Variants in CACNA1C observed in about 807,000 individuals in gnomAD.
CACNA1C encodes calcium voltage-gated channel subunit alpha1 C, also known as voltage-dependent L-type calcium channel subunit alpha-1C.
In CACNA1C, 30 loss-of-function variants were observed where a neutral mutation model predicts 229.0. That is an observed-to-expected ratio of 0.13 (90% CI 0.10 to 0.18). The LOEUF (loss-of-function observed/expected upper bound fraction) is 0.18. Among genes scored for constraint, CACNA1C ranks in the 10% least tolerant of loss-of-function variants. The pLI is 1.00. For synonymous variants in CACNA1C, 1,114 were observed against 1,132.5 expected (o/e 0.98, Z 0.33); for missense variants, 1,658 against 2,845.0 (o/e 0.58, Z 9.49).
Position 2,677,035 on chromosome 12 carries a change from A to G in CACNA1C, c.4829-59A>G, listed in dbSNP as rs377420400. ...GGATGCTGAAAAAAAAAATGAATGAAGTTCAACTGAATTCCCCTGCTCCCC... is the reference window on the plus strand; with the variant it reads ...GGATGCTGAAAAAAAAAATGAATGAGGTTCAACTGAATTCCCCTGCTCCCC... On this transcript the variant is annotated intron_variant, in intron 39 of 46. Transcript: ENST00000399655. This position sits in a 1 kb window ranked among gnomAD's most constrained non-coding sequence, Gnocchi z 7.4. 7.7e-6 allele frequency: 11 copies of G among 1,433,230 alleles called. No homozygotes were observed. The African/African-American group carries it at 1.4e-4, about 18-fold the overall frequency. 88.8% of individuals were successfully genotyped at this position (1,433,230 alleles called of 1,614,324 possible).
intron 34 of CACNA1C, among the ~76,000 whole-genome samples, chr12:2,655,620 C>T (rs1354803580): frequency 1.3e-5 from 2 of 152,228 alleles, no homozygotes; most frequent in Non-Finnish European, 2.9e-5. Context: ...AGATATCTAT[C>T]ACTATACCAG....
At chr12:2,188,642 T>C (rs1234284861) in intron 3 of CACNA1C, among the ~76,000 whole-genome samples, 1 of 152,164 alleles carries the variant, frequency 6.6e-6, no homozygotes, top group Non-Finnish European at 1.5e-5. Flanking sequence ...CAAATTGATA[T>C]TCGGTTTTTA....
chr12:2,290,929 A>G lies in CACNA1C; in HGVS notation c.478-158047A>G, dbSNP rs566657684. 4.6e-5 allele frequency among the ~76,000 whole-genome samples: 7 copies of G among 152,192 alleles called. No individual in the cohort carries two copies. The South Asian group carries it at 1.5e-3, about 32-fold the overall frequency. On this transcript the variant is annotated intron_variant, in intron 3 of 46. Transcript: ENST00000399655. ...AAATAGCCCTTCTGTGGCTTCCTCAAATGTATTGTCTGAATCAGCAGCTTC... is the reference window on the plus strand; with the variant it reads ...AAATAGCCCTTCTGTGGCTTCCTCAGATGTATTGTCTGAATCAGCAGCTTC...
Position 2,152,963 on chromosome 12 carries a change from G to T in CACNA1C, c.477+32533G>T, listed in dbSNP as rs1166255022. ...AATGGTGGCAGAAAAATTAAAATTG[G>T]GAGGTGAAAGCTCAAGGAGGTAGTT... is the stretch of plus-strand genomic sequence containing the variant. On this transcript the variant is annotated intron_variant, in intron 3 of 46. Transcript: ENST00000399655. This position sits in a 1 kb window ranked among gnomAD's most constrained non-coding sequence, Gnocchi z 4.2. Among the ~76,000 whole-genome samples, 1 of 152,158 alleles carries T rather than the reference G, an allele frequency of 6.6e-6. No individual in the cohort carries two copies. Among genetic ancestry groups the T allele is most frequent in the Non-Finnish European group, 1.5e-5 (1 of 68,018 alleles).
At chr12:2,117,923 A>G (rs922412952) in intron 2 of CACNA1C, among the ~76,000 whole-genome samples, 3 of 152,216 alleles carry the variant, frequency 2.0e-5, no homozygotes, top group Non-Finnish European at 4.4e-5. Context: ...CTGGAGTACT[A>G]GCCAGCCAGT....
At chr12:2,551,738 G>A (rs1399078347) in intron 10 of CACNA1C, among the ~76,000 whole-genome samples, 3 of 152,138 alleles carry the variant, frequency 2.0e-5, no homozygotes, top group Middle Eastern at 3.2e-3. Context: ...GGATGAAGAC[G>A]GTTCCTGTTG....
At chr12:2,445,159 C>T (rs537229895) in intron 3 of CACNA1C, among the ~76,000 whole-genome samples, 16 of 152,336 alleles carry the variant, frequency 1.1e-4, no homozygotes, top group African/African-American at 3.4e-4. Flanking sequence ...ACATTCCCTA[C>T]TCCCTACCCC....
At position 2,227,559 on chromosome 12, in the gene CACNA1C, C is replaced by T. The variant is rs528399452; in HGVS notation, c.477+107129C>T. Reference sequence around the variant, plus strand: ...ATGTCAGTTCCGTTTTTCTGTTTCTCTCCTGAAGAACTCACAAAGCCTCTT... The same window carrying T: ...ATGTCAGTTCCGTTTTTCTGTTTCTTTCCTGAAGAACTCACAAAGCCTCTT... On this transcript the variant is annotated intron_variant, in intron 3 of 46. Transcript: ENST00000399655. Among the ~76,000 whole-genome samples the T allele has an allele frequency of 5.9e-5, 9 of 152,336 alleles. No individual in the cohort carries two copies. In the South Asian group the frequency reaches 1.9e-3, roughly 32 times the overall value.
At chr12:2,388,380 A>G (rs2098430468) in intron 3 of CACNA1C, among the ~76,000 whole-genome samples, 1 of 152,210 alleles carries the variant, frequency 6.6e-6, no homozygotes, top group Admixed American at 6.5e-5. Context: ...GGTTGTGGTA[A>G]GCACTTCATA....
At chr12:2,288,980 C>G (rs114262892) in intron 3 of CACNA1C, 1 of 152,226 alleles carries the variant, frequency 6.6e-6, no homozygotes, top group Non-Finnish European at 1.5e-5. Flanking sequence ...GTCAGGCTGC[C>G]GGTCGGGTTA....
rs189188032 is a variant in CACNA1C, at chr12:1,984,199, T to C, written c.139+12998T>C. The stretch of plus-strand genomic sequence containing the variant: ...AATCCAATCTGGCAATCTCTTTTAA[T>C]CACTATGTTAGCCCATTTACATGTA... On this transcript the variant is annotated intron_variant, in intron 1 of 46. Coordinates refer to the CACNA1C transcript ENST00000682462. Among the ~76,000 whole-genome samples the C allele has an allele frequency of 2.4e-3, 367 of 152,222 alleles. 2 individuals are homozygous for C. Among genetic ancestry groups the C allele is most frequent in the African/African-American group, 8.6e-3 (357 of 41,574 alleles).
Position 2,666,768 on chromosome 12 carries a change from C to T in CACNA1C, c.4609C>T (p.Arg1537Cys). Residue 1537 changes from arginine (R) to cysteine (C), a missense_variant, in exon 37 of 47, where the codon CGC (arginine) becomes TGC (cysteine). This residue lies in a region of CACNA1C where 151 missense variants were observed against 344.4 expected (regional missense o/e 0.44). Coordinates refer to ENST00000399655, the MANE Select transcript of CACNA1C (RefSeq NM_000719.7). This position sits in a 1 kb window ranked among gnomAD's most constrained non-coding sequence, Gnocchi z 5.3. The stretch of plus-strand genomic sequence containing the variant: ...AGGTTTTGGGAAGCTGTGCCCTCAC[C>T]GCGTGGCTTGCAAAGTAAGAGATAA... ...PLGFGKLCPH[R>C]VACKRLVSMN... The T allele has an allele frequency of 6.2e-7, 1 of 1,600,926 alleles. No individual in the cohort carries two copies. Among genetic ancestry groups the T allele is most frequent in the African/African-American group, 1.3e-5 (1 of 74,772 alleles).
intron 1 of CACNA1C, among the ~76,000 whole-genome samples, chr12:2,056,545 C>A (rs1016686419): frequency 6.6e-6 from 1 of 152,206 alleles, no homozygotes; most frequent in African/African-American, 2.4e-5. Flanking sequence ...GTGCAAGACA[C>A]ACTGTGCTTT....
At chr12:2,262,343 T>TAAA (rs1363378288) in intron 3 of CACNA1C, among the ~76,000 whole-genome samples, 1 of 152,228 alleles carries the variant, frequency 6.6e-6, no homozygotes, top group Non-Finnish European at 1.5e-5. Flanking sequence ...GAAAGCCTAT[T>TAAA]CACTTAGCCA....
At chr12:2,485,456 G>A (rs1431696210) in intron 5 of CACNA1C, among the ~76,000 whole-genome samples, 1 of 152,200 alleles carries the variant, frequency 6.6e-6, no homozygotes, top group Non-Finnish European at 1.5e-5. Flanking sequence ...AGACCGCGGT[G>A]CAAGCCCCAG....
chr12:2,075,587 T>C (rs2062887771), intron 1 of CACNA1C, among the ~76,000 whole-genome samples: 1 of 152,226 alleles, frequency 6.6e-6, no homozygotes. Flanking sequence ...CTGTCTAATT[T>C]GGAGGCTTTG....
intron 3 of CACNA1C, among the ~76,000 whole-genome samples, chr12:2,436,035 G>A (rs1181092429): frequency 2.0e-5 from 3 of 152,202 alleles, no homozygotes; most frequent in Non-Finnish European, 4.4e-5. Context: ...CCAGGCAAGG[G>A]GCTGCAGGGG....
At chr12:2,088,947 C>T (rs998902206) in intron 1 of CACNA1C, among the ~76,000 whole-genome samples, 4 of 152,156 alleles carry the variant, frequency 2.6e-5, no homozygotes, top group African/African-American at 7.2e-5. Flanking sequence ...AAATGAATCA[C>T]GTTGTTAAAT....
At chr12:2,167,558 G>A (rs1365603925) in intron 3 of CACNA1C, among the ~76,000 whole-genome samples, 1 of 152,164 alleles carries the variant, frequency 6.6e-6, no homozygotes, top group Non-Finnish European at 1.5e-5. Flanking sequence ...CTCCATGGGG[G>A]GCAGAAGCTG....
Sources: allele counts gnomAD v4.1 joint callset (sites outside exome capture counted in the v4.1 genomes callset), GRCh38; gene constraint gnomAD v4.1.1; regional missense constraint gnomAD v4.1.1; non-coding constraint Gnocchi (gnomAD v3.1); transcripts MANE v1.5; gene names NCBI Gene and HGNC (gene_info 2026-07-23, HGNC 2026-07-21).